The following LRP1B variants were observed in gnomAD, a reference collection of about 807,000 sequenced individuals.
LRP1B encodes the protein low-density lipoprotein receptor-related protein 1B.
A neutral mutation model predicts 556.6 loss-of-function variants in LRP1B; 217 were observed. The ratio of observed to expected loss-of-function variants is 0.39; its 90% confidence interval spans 0.35 to 0.44. The LOEUF is 0.44. LRP1B is among the 20% of genes least tolerant of loss of function. The probability of loss-of-function intolerance (pLI) is 1.00; values close to 1 mark genes in which losing one functional copy is unlikely to be tolerated. For missense variants in LRP1B, 5,053 were observed against 5,620.8 expected (o/e 0.90, Z 3.23); for synonymous variants, 2,047 against 1,865.8 (o/e 1.10, Z -2.50).
In LRP1B at chr2:141,625,033, G is replaced by T. The variant is rs867886291; in HGVS notation, c.206-144500C>A. On this transcript the variant is annotated intron_variant, in intron 2 of 90. Coordinates refer to ENST00000389484, the MANE Select transcript of LRP1B (RefSeq NM_018557.3). ...TCCGCCCGCCTCAGCCTCCCAAAGT[G>T]CTGGGATTACAGGCGTGAGCCACCG... Among the ~76,000 whole-genome samples the T allele has an allele frequency of 3.9e-5, 6 of 152,200 alleles. No individual in the cohort carries two copies. In the South Asian group the frequency reaches 1.0e-3, roughly 26 times the overall value.
Position 140,506,809 on chromosome 2 carries a change from C to T in LRP1B, c.8508G>A (p.Glu2836=), listed in dbSNP as rs763502720. The T allele has an allele frequency of 3.7e-6, 6 of 1,612,924 alleles. No individual in the cohort carries two copies. In the Admixed American group the frequency reaches 1.0e-4, roughly 27 times the overall value. ...AGATGTACTTACCACACTGCGGTGA[C>T]TCATCAGAGCCATCTCCACAGTCGT... The part of the protein sequence containing the change: ...HDDDCGDGSD[E]SPQCGYRQCG... The change falls in exon 53 of 91, where the codon GAG becomes GAA. Residue 2836 remains glutamate, a synonymous_variant. Transcript: ENST00000389484.
At chr2:141,416,817 G>A (rs570824846) in intron 3 of LRP1B, among the ~76,000 whole-genome samples, 2 of 152,160 alleles carry the variant, frequency 1.3e-5, no homozygotes, top group African/African-American at 4.8e-5. Context: ...AGAAGAAAAG[G>A]CCTTCTGCAT....
intron 1 of LRP1B, among the ~76,000 whole-genome samples, chr2:142,083,847 A>G (rs1380991514): frequency 6.6e-6 from 1 of 152,232 alleles, no homozygotes; most frequent in Non-Finnish European, 1.5e-5. Flanking sequence ...TGCAAACACA[A>G]ACAAGCAAAT....
intron 41 of LRP1B, among the ~76,000 whole-genome samples, chr2:140,658,674 AAT>A (rs1231127815): frequency 1.3e-5 from 2 of 151,690 alleles, no homozygotes; most frequent in African/African-American, 4.8e-5. Context: ...TTTTTAACGC[AAT>A]ATGTCTACAT....
At chr2:141,047,437 A>T (rs546525665) in intron 11 of LRP1B, among the ~76,000 whole-genome samples, 1 of 152,208 alleles carries the variant, frequency 6.6e-6, no homozygotes, top group African/African-American at 2.4e-5. Context: ...CATTTCCTCT[A>T]AAAGATTGGA....
intron 2 of LRP1B, among the ~76,000 whole-genome samples, chr2:141,546,751 C>T (rs1685568410): frequency 6.6e-6 from 1 of 152,136 alleles, no homozygotes; most frequent in Non-Finnish European, 1.5e-5. Flanking sequence ...TAATCTTTAT[C>T]CTCCTTAAAT....
At position 141,045,163 on chromosome 2, in the gene LRP1B, C is replaced by T. The variant is rs1177416980; in HGVS notation, c.1789+3823G>A. ...GAAATCATCATTCTCAGTAAACTAT[C>T]GCAAGAACAAAAAACCAAACACCGC... On this transcript the variant is annotated intron_variant, in intron 11 of 90. Transcript: ENST00000389484. Among the ~76,000 whole-genome samples the T allele has an allele frequency of 4.9e-3, 615 of 125,404 alleles. 7 individuals are homozygous for T. The highest frequency in any genetic ancestry group is 7.5e-3 in the Non-Finnish European group (442 of 58,848). The allele number at this position is 125,404 out of a possible 152,430, so 82.3% of individuals were successfully genotyped here. A position where few individuals can be genotyped will look rare whatever the true frequency, so the allele number is the denominator to read the frequency against.
At chr2:140,253,101 A>G (rs1681525139) in intron 86 of LRP1B, among the ~76,000 whole-genome samples, 1 of 152,058 alleles carries the variant, frequency 6.6e-6, no homozygotes, top group Non-Finnish European at 1.5e-5. Flanking sequence ...TTAAAGTAGC[A>G]TCTTAAATTT....
rs541886010 is a variant in LRP1B at position 140,446,393 on chromosome 2, C to A, written c.10058-1714G>T. On this transcript the variant is annotated intron_variant, in intron 63 of 90. Coordinates refer to ENST00000389484, the MANE Select transcript of LRP1B (RefSeq NM_018557.3). The stretch of plus-strand genomic sequence containing the variant: ...GATGCCAGAGAATTTTGATGCATTG[C>A]TCTTAACTACATTTATATAAATAAC... Among the ~76,000 whole-genome samples the A allele has an allele frequency of 1.5e-4, 23 of 152,188 alleles. 2 individuals carry two copies. In the Middle Eastern group the frequency reaches 0.01, roughly 68 times the overall value.
rs1163933283 is a variant in LRP1B at position 140,716,736 on chromosome 2, T to C, written c.5839A>G (p.Ile1947Val). ...AKRDQTWKED[I>V]ITNGLGRVEG... ...ACTCTTCCCAAGCCATTGGTAATGA[T>C]ATCTTCTTTCCAAGTCTGATCTCTT... Residue 1947 changes from isoleucine (I) to valine (V), a missense_variant, in exon 36 of 91, where the codon ATC becomes GTC. Ile to Val is a conservative substitution (Grantham distance 29). Coordinates refer to ENST00000389484, the MANE Select transcript of LRP1B (RefSeq NM_018557.3). The C allele has an allele frequency of 1.2e-6, 2 of 1,611,772 alleles. No individual in the cohort carries two copies. The highest frequency in any genetic ancestry group is 1.7e-6 in the Non-Finnish European group (2 of 1,178,144).
At position 142,027,281 on chromosome 2, in the gene LRP1B, G is replaced by C. The variant is rs1050069607; in HGVS notation, c.82+103367C>G. Among the ~76,000 whole-genome samples the C allele has an allele frequency of 8.6e-5, 13 of 150,514 alleles. No homozygotes were observed. In the South Asian group the frequency reaches 1.7e-3, roughly 20 times the overall value. The stretch of plus-strand genomic sequence containing the variant: ...TAATCCTTTCATTTTTTTAAATAAA[G>C]AAATTCTGATTTTTAGAGGTTGTTT... On this transcript the variant is annotated intron_variant, in intron 1 of 90. Transcript: ENST00000389484.
chr2:141,876,441 G>A (rs1436993804), intron 1 of LRP1B, among the ~76,000 whole-genome samples: 2 of 151,892 alleles, frequency 1.3e-5, no homozygotes, highest in African/African-American at 4.8e-5. Context: ...TCAGAGAAAG[G>A]AAATACATAG....
At chr2:140,920,585 T>A (rs1369249341) in intron 21 of LRP1B, among the ~76,000 whole-genome samples, 2 of 152,072 alleles carry the variant, frequency 1.3e-5, no homozygotes, top group Non-Finnish European at 2.9e-5. Context: ...ATACATATTT[T>A]AAATCATTGC....
intron 41 of LRP1B, among the ~76,000 whole-genome samples, chr2:140,676,187 C>T (rs1251148044): frequency 6.6e-6 from 1 of 152,112 alleles, no homozygotes; most frequent in Admixed American, 6.6e-5. Context: ...ATTTTCTTGA[C>T]CTAGCTAATT....
At chr2:141,242,571 T>A (rs1236444404) in intron 5 of LRP1B, among the ~76,000 whole-genome samples, 1 of 152,034 alleles carries the variant, frequency 6.6e-6, no homozygotes, top group Non-Finnish European at 1.5e-5. Flanking sequence ...ATCAATGAAC[T>A]GCAAATATAA....
At chr2:141,696,017 T>G (rs1691723100) in intron 2 of LRP1B, among the ~76,000 whole-genome samples, 1 of 152,010 alleles carries the variant, frequency 6.6e-6, no homozygotes. Flanking sequence ...TATCAAAACC[T>G]TGCTTTATAC....
intron 66 of LRP1B, among the ~76,000 whole-genome samples, chr2:140,408,188 G>A (rs1354130477): frequency 6.6e-6 from 1 of 151,910 alleles, no homozygotes; most frequent in African/African-American, 2.4e-5. Flanking sequence ...GGCGATGTGG[G>A]AGTGGGGTGA....
At chr2:141,467,578 T>C (rs1012217855) in intron 3 of LRP1B, among the ~76,000 whole-genome samples, 2 of 152,152 alleles carry the variant, frequency 1.3e-5, no homozygotes, top group African/African-American at 4.8e-5. Context: ...GACGAACTGA[T>C]GACCTCTGAA....
At chr2:140,677,897 C>CAACATT (rs1685728521) in intron 41 of LRP1B, among the ~76,000 whole-genome samples, 1 of 143,222 alleles carries the variant, frequency 7.0e-6, no homozygotes, top group Non-Finnish European at 1.5e-5. Context: ...AAAAAAAAGC[C>CAACATT]AACATTAATT....
Sources: gnomAD v4.1 joint callset for allele counts (sites outside exome capture counted in the v4.1 genomes callset) on GRCh38, gnomAD v4.1.1 for gene constraint, MANE v1.5 for transcripts, NCBI Gene and HGNC (gene_info 2026-07-23, HGNC 2026-07-21) for gene names.